PTPRT: variants seen among roughly 807,000 people sequenced by gnomAD.
PTPRT encodes the protein protein tyrosine phosphatase receptor type T.
Under a neutral mutation model 176.8 loss-of-function variants are expected in PTPRT, and 56 were observed. The observed-to-expected ratio is 0.32, with a 90% confidence interval of 0.26 to 0.40. The LOEUF is 0.40. Ranked by LOEUF, PTPRT falls within the 10% of genes least tolerant of loss-of-function variation. The pLI is 1.00. For synonymous variants in PTPRT, 783 were observed against 739.0 expected (o/e 1.06, Z -0.96); for missense variants, 1,540 against 1,908.2 (o/e 0.81, Z 3.60).
intron 8 of PTPRT, among the ~76,000 whole-genome samples, chr20:42,468,721 G>A (rs2071142294): frequency 6.6e-6 from 1 of 152,166 alleles, no homozygotes; most frequent in Admixed American, 6.5e-5. Context: ...TCCTCAAAGA[G>A]CAGCTCAAGG....
chr20:42,538,027 A>G (rs1309941512), intron 7 of PTPRT, among the ~76,000 whole-genome samples: 1 of 152,188 alleles, frequency 6.6e-6, no homozygotes, highest in Non-Finnish European at 1.5e-5. Flanking sequence ...CAACATTTAA[A>G]TATAACAGAT....
Position 42,352,051 on chromosome 20 carries a change from C to T in PTPRT, c.1762+33G>A, listed in dbSNP as rs377295987. The T allele has an allele frequency of 1.2e-5, 19 of 1,597,252 alleles. No individual in the cohort carries two copies. In the Middle Eastern group the frequency reaches 6.7e-4, roughly 56 times the overall value. ...AAATCAGGAAGTGGGGGTGAAACAA[C>T]CTTTTTTCCTTTTTCCTTTCTAGCA... On this transcript the variant is annotated intron_variant, in intron 10 of 30. Transcript: ENST00000373187.
At chr20:42,427,711 C>G (rs563816920) in intron 9 of PTPRT, among the ~76,000 whole-genome samples, 1 of 152,162 alleles carries the variant, frequency 6.6e-6, no homozygotes, top group African/African-American at 2.4e-5. Context: ...GTGACTTGCA[C>G]GTATACATCC....
chr20:42,100,956 CA>C (rs1322216391), intron 26 of PTPRT, among the ~76,000 whole-genome samples: 20 of 152,216 alleles, frequency 1.3e-4, no homozygotes, highest in African/African-American at 4.8e-4. Flanking sequence ...CTTCCATCAT[CA>C]CCCTCCTGCC....
chr20:42,729,402 T>C (rs2076427483), intron 6 of PTPRT, among the ~76,000 whole-genome samples: 1 of 152,158 alleles, frequency 6.6e-6, no homozygotes, highest in Non-Finnish European at 1.5e-5. Flanking sequence ...AAATAAACAG[T>C]GATCAAGGCT....
chr20:42,260,337 G>A (rs2056727234), intron 13 of PTPRT, among the ~76,000 whole-genome samples: 1 of 152,198 alleles, frequency 6.6e-6, no homozygotes, highest in Non-Finnish European at 1.5e-5. Context: ...GACAGTACTG[G>A]CTCCTTGCTT....
chr20:42,255,619 T>C (rs530853456), intron 13 of PTPRT, among the ~76,000 whole-genome samples: 1 of 152,296 alleles, frequency 6.6e-6, no homozygotes, highest in African/African-American at 2.4e-5. Context: ...ATGGCAGCAA[T>C]AACATAATTT....
intron 2 of PTPRT, among the ~76,000 whole-genome samples, chr20:42,806,157 T>A (rs1360692357): frequency 1.3e-5 from 2 of 152,010 alleles, no homozygotes; most frequent in Non-Finnish European, 2.9e-5. Flanking sequence ...TTTTTCTCTG[T>A]CTTTGTTTCC....
In PTPRT at chr20:42,448,295, C is replaced by T. The variant is rs1224862018; in HGVS notation, c.1485G>A (p.Gly495=). ...PGAVPLESIQ[G]GPFEEKIYIQ... ...TGTAGATCTTCTCCTCAAAGGGCCC[C>T]CCTTGGATGGATTCTAGAGGAACAG... The change falls in exon 9 of 31, where the codon GGG becomes GGA. Residue 495 remains glycine (G), a synonymous_variant. Coordinates refer to ENST00000373187, the MANE Select transcript of PTPRT (RefSeq NM_007050.6). 6.2e-7 allele frequency: 1 copy of T among 1,613,306 alleles called. No individual in the cohort carries two copies. The highest frequency in any genetic ancestry group is 1.3e-5 in the African/African-American group (1 of 74,906).
At chr20:42,935,968 G>A (rs537479747) in intron 1 of PTPRT, among the ~76,000 whole-genome samples, 3 of 152,214 alleles carry the variant, frequency 2.0e-5, no homozygotes, top group South Asian at 4.2e-4. Context: ...GGCTGGTCTC[G>A]AACTCCCAAC....
intron 1 of PTPRT, among the ~76,000 whole-genome samples, chr20:43,081,456 A>T (rs1193428305): frequency 6.6e-6 from 1 of 152,214 alleles, no homozygotes; most frequent in Non-Finnish European, 1.5e-5. Flanking sequence ...CTCTTATGAT[A>T]TCTAAATTGC....
chr20:43,050,511 C>G (rs1324629882), intron 1 of PTPRT, among the ~76,000 whole-genome samples: 1 of 152,148 alleles, frequency 6.6e-6, no homozygotes, highest in Non-Finnish European at 1.5e-5. Flanking sequence ...TTGACAGACC[C>G]AGCCCTGGGC....
chr20:43,010,913 G>C (rs1005389252), intron 1 of PTPRT, among the ~76,000 whole-genome samples: 6 of 152,142 alleles, frequency 3.9e-5, no homozygotes, highest in Admixed American at 2.0e-4. Context: ...CCCTGAGAGA[G>C]AGGCAACAGG....
intron 7 of PTPRT, among the ~76,000 whole-genome samples, chr20:42,513,079 C>T (rs1040469533): frequency 6.6e-6 from 1 of 151,926 alleles, no homozygotes; most frequent in Non-Finnish European, 1.5e-5. Context: ...AGGCTGGTCT[C>T]GAACTCCTGA....
At chr20:42,547,728 C>T (rs997855696) in intron 7 of PTPRT, among the ~76,000 whole-genome samples, 2 of 151,812 alleles carry the variant, frequency 1.3e-5, no homozygotes, top group Non-Finnish European at 2.9e-5. Context: ...CCAGGTTCTG[C>T]TTATCAAAGA....
At chr20:42,825,326 C>T (rs1482439477) in intron 2 of PTPRT, among the ~76,000 whole-genome samples, 2 of 152,038 alleles carry the variant, frequency 1.3e-5, no homozygotes, top group African/African-American at 2.4e-5. Flanking sequence ...AGACTGAAAG[C>T]AATTTCAACA....
intron 3 of PTPRT, among the ~76,000 whole-genome samples, chr20:42,785,874 C>T (rs55905371): frequency 0.34 from 51,301 of 151,830 alleles, 9,314 homozygotes; most frequent in Non-Finnish European, 0.41. Flanking sequence ...CTGAGGCCCA[C>T]TACAAGCCTG....
chr20:42,805,613 C>T (rs1290673044), intron 2 of PTPRT, among the ~76,000 whole-genome samples: 5 of 152,178 alleles, frequency 3.3e-5, no homozygotes, highest in African/African-American at 4.8e-5. Flanking sequence ...TTGAATAGGG[C>T]TCCTGTAGAC....
At chr20:42,981,449 T>G (rs1983267782) in intron 1 of PTPRT, among the ~76,000 whole-genome samples, 1 of 152,214 alleles carries the variant, frequency 6.6e-6, no homozygotes, top group Non-Finnish European at 1.5e-5. Context: ...GTGAGTTGCT[T>G]TGGCCAATAA....
Sources: allele counts gnomAD v4.1 joint callset (sites outside exome capture counted in the v4.1 genomes callset), GRCh38; gene constraint gnomAD v4.1.1; transcripts MANE v1.5; gene names NCBI Gene and HGNC (gene_info 2026-07-23, HGNC 2026-07-21).